CAMTA1: variants seen among roughly 807,000 people sequenced by gnomAD.
CAMTA1 encodes calmodulin binding transcription activator 1.
In CAMTA1, 27 loss-of-function variants were observed where a neutral mutation model predicts 170.9. The observed-to-expected ratio is 0.16, with a 90% CI of 0.12 to 0.22. The LOEUF is 0.22. CAMTA1 is among the 10% of genes least tolerant of loss of function. CAMTA1 has a pLI of 1.00. For synonymous variants in CAMTA1, 833 were observed against 891.5 expected, an observed-to-expected ratio of 0.93 and a Z score of 1.17; for missense variants, 1,619 against 2,217.2, an observed-to-expected ratio of 0.73 and a Z score of 5.42.
At chr1:7,540,236 A>AATGGATGG (rs145143324) in intron 6 of CAMTA1, among the ~76,000 whole-genome samples, 1 of 152,112 alleles carries the variant, frequency 6.6e-6, no homozygotes, top group African/African-American at 2.4e-5. Context: ...TGAATGGAGA[A>AATGGATGG]ATGGATGGAT....
intron 3 of CAMTA1, among the ~76,000 whole-genome samples, chr1:6,990,805 CTATA>C (rs138700231): frequency 9.2e-5 from 13 of 141,630 alleles, no homozygotes; most frequent in South Asian, 6.8e-4. Flanking sequence ...CTCTCTCTCT[CTATA>C]TATATATATA....
At chr1:6,905,088 C>T (rs1274081618) in intron 3 of CAMTA1, among the ~76,000 whole-genome samples, 2 of 151,922 alleles carry the variant, frequency 1.3e-5, no homozygotes, top group African/African-American at 2.4e-5. Context: ...ATAAATTCTG[C>T]CTGTGAACTT....
At chr1:7,464,063 T>C (rs550095865) in intron 5 of CAMTA1, among the ~76,000 whole-genome samples, 18 of 152,234 alleles carry the variant, frequency 1.2e-4, no homozygotes, top group Non-Finnish European at 1.9e-4. Context: ...TCAACTGCCA[T>C]GTTAAGGGGA....
chr1:7,038,835 T>A (rs1021504010), intron 3 of CAMTA1, among the ~76,000 whole-genome samples: 1 of 151,878 alleles, frequency 6.6e-6, no homozygotes. Flanking sequence ...AGGTCAGGAG[T>A]TCGAGACCAG....
intron 4 of CAMTA1, among the ~76,000 whole-genome samples, chr1:7,109,061 T>A (rs1462377382): frequency 6.6e-6 from 1 of 152,216 alleles, no homozygotes; most frequent in Non-Finnish European, 1.5e-5. Context: ...CACATGGGCC[T>A]CTCCAACAGG....
At chr1:7,541,738 A>T (rs968374156) in intron 6 of CAMTA1, among the ~76,000 whole-genome samples, 2 of 152,154 alleles carry the variant, frequency 1.3e-5, no homozygotes, top group South Asian at 2.1e-4. Flanking sequence ...TGGTCACGTG[A>T]TTAACTTTCC....
At chr1:7,168,187 T>C (rs921691120) in intron 4 of CAMTA1, among the ~76,000 whole-genome samples, 5 of 152,242 alleles carry the variant, frequency 3.3e-5, no homozygotes, top group African/African-American at 1.2e-4. Context: ...TTATTTTTTG[T>C]ATGTTGACCT....
intron 7 of CAMTA1, among the ~76,000 whole-genome samples, chr1:7,654,972 ACACACACACCTATACACACACC>A (rs2095875192): frequency 6.8e-6 from 1 of 147,956 alleles, no homozygotes; most frequent in African/African-American, 2.5e-5. Context: ...ACCCACCTAT[ACACACACACCTATACACACACC>A]CACACACACC....
intron 11 of CAMTA1, among the ~76,000 whole-genome samples, chr1:7,721,324 A>G (rs1411284583): frequency 1.3e-5 from 2 of 152,330 alleles, no homozygotes; most frequent in Admixed American, 6.5e-5. Context: ...GTAAGTAACA[A>G]ATTTTCTTAG....
chr1:7,766,593 G>T lies in CAMTA1; in HGVS notation c.*102G>T. 1 of 911,998 alleles carries T rather than the reference G, an allele frequency of 1.1e-6. No individual in the cohort carries two copies. The allele number at this position is 911,998 out of a possible 1,614,324, so 56.5% of individuals were successfully genotyped here. ...GCAACAACAACACACACGCACACAC[G>T]CACACACACACACGTACACACACAT... On this transcript the variant is annotated 3_prime_UTR_variant, in exon 23 of 23. Transcript: ENST00000303635.
intron 5 of CAMTA1, among the ~76,000 whole-genome samples, chr1:7,460,057 C>T (rs1264866348): frequency 2.6e-5 from 4 of 152,240 alleles, no homozygotes; most frequent in Non-Finnish European, 5.9e-5. Context: ...AAAGGCAAGG[C>T]CATCTGCCAG....
chr1:7,154,971 T>A (rs1395846609), intron 4 of CAMTA1, among the ~76,000 whole-genome samples: 5 of 152,136 alleles, frequency 3.3e-5, no homozygotes, highest in Non-Finnish European at 7.4e-5. Context: ...CATCCTTCAT[T>A]AAATATCTCT....
chr1:7,032,262 G>T (rs1224710053), intron 3 of CAMTA1, among the ~76,000 whole-genome samples: 1 of 152,106 alleles, frequency 6.6e-6, no homozygotes, highest in Non-Finnish European at 1.5e-5. Flanking sequence ...ACTGCACCCG[G>T]CCCCTTTTCT....
chr1:7,637,824 C>T (rs2095725752), intron 6 of CAMTA1, among the ~76,000 whole-genome samples: 1 of 152,214 alleles, frequency 6.6e-6, no homozygotes, highest in Non-Finnish European at 1.5e-5. Context: ...CCTTGGCTAG[C>T]AGGGGCACCG....
chr1:7,027,793 G>A (rs1244024488), intron 3 of CAMTA1, among the ~76,000 whole-genome samples: 1 of 152,166 alleles, frequency 6.6e-6, no homozygotes, highest in Non-Finnish European at 1.5e-5. Context: ...CCAGAGTTAT[G>A]AAGGTTGGGC....
intron 4 of CAMTA1, among the ~76,000 whole-genome samples, chr1:7,139,086 ATTATTTATAT>A (rs1349189637): frequency 2.4e-4 from 34 of 144,014 alleles, no homozygotes; most frequent in African/African-American, 8.3e-4. Context: ...ATATTTATTT[ATTATTTATAT>A]TTATTTATAA....
At chr1:7,430,433 G>T (rs553086947) in intron 5 of CAMTA1, among the ~76,000 whole-genome samples, 150 of 152,014 alleles carry the variant, frequency 9.9e-4, no homozygotes, top group South Asian at 2.5e-3. Flanking sequence ...TGATGGTGGA[G>T]GTGACAGTGA....
At chr1:7,265,936 G>A (rs959193393) in intron 5 of CAMTA1, among the ~76,000 whole-genome samples, 1 of 152,192 alleles carries the variant, frequency 6.6e-6, no homozygotes, top group African/African-American at 2.4e-5. Flanking sequence ...GGGCTTGTTT[G>A]ATGGTTTGCT....
At chr1:6,820,425 A>G (rs1490238271) in intron 2 of CAMTA1, among the ~76,000 whole-genome samples, 175 bp downstream of exon 2, 1 of 152,226 alleles carries the variant, frequency 6.6e-6, no homozygotes, top group African/African-American at 2.4e-5. Context: ...TAGCAAAAAG[A>G]ATGCTCTCCT....
Sources: allele counts gnomAD v4.1 joint callset (sites outside exome capture counted in the v4.1 genomes callset), GRCh38; gene constraint gnomAD v4.1.1; transcripts MANE v1.5; gene names NCBI Gene and HGNC (gene_info 2026-07-23, HGNC 2026-07-21).